PPFIBP2: variants seen among roughly 807,000 people sequenced by gnomAD.
The protein encoded by PPFIBP2 is liprin-beta-2.
In PPFIBP2, 118 loss-of-function variants were observed where a neutral mutation model predicts 118.3. That is an observed-to-expected ratio of 1.00 (90% CI 0.86 to 1.16). PPFIBP2 has a LOEUF of 1.16. Among genes scored for constraint, PPFIBP2 ranks in the 50% most tolerant of loss-of-function variants. The probability of loss-of-function intolerance (pLI) is 0.00; values close to 1 mark genes in which losing one functional copy is unlikely to be tolerated. For synonymous variants in PPFIBP2, 414 were observed against 397.4 expected, an observed-to-expected ratio of 1.04 and a Z score of -0.50; for missense variants, 1,195 against 1,073.1, an observed-to-expected ratio of 1.11 and a Z score of -1.59.
chr11:7,549,405 G>T lies in PPFIBP2; in HGVS notation c.-36-35G>T, dbSNP rs888326404. On this transcript the variant is annotated intron_variant, in intron 1 of 23. Transcript: ENST00000299492. ...TTGTGTGCGTAACATGGAACTCTCT[G>T]TAATTTTTCCTTTGTTCTGTATTTG... 3.1e-5 allele frequency: 47 copies of T among 1,535,116 alleles called. No homozygotes were observed. In the South Asian group the frequency reaches 3.6e-4, roughly 12 times the overall value.
intron 6 of PPFIBP2, among the ~76,000 whole-genome samples, chr11:7,614,543 C>T (rs1848420388): frequency 6.6e-6 from 1 of 152,110 alleles, no homozygotes; most frequent in South Asian, 2.1e-4. Flanking sequence ...TAGGTGGTTT[C>T]CAAGTTTCTG....
rs767613446 is a variant in PPFIBP2 at position 7,631,001 on chromosome 11, G to A, written c.1041G>A (p.Lys347=). Residue 347 remains lysine (K), a synonymous_variant, in exon 11 of 24, where the codon AAG becomes AAA. Coordinates refer to ENST00000299492, the MANE Select transcript of PPFIBP2 (RefSeq NM_003621.5). ...GGFSKWNATN[K]DPEELFKQEM... is the part of the protein sequence containing the mutation. ...TCAGCAAGTGGAACGCTACAAATAA[G>A]GACCCTGAAGAATTATTTAAACAAG... is the stretch of plus-strand genomic sequence containing the variant. The A allele has an allele frequency of 5.0e-6, 8 of 1,613,696 alleles. No homozygotes were observed. In the South Asian group the frequency reaches 7.7e-5, roughly 16 times the overall value.
intron 2 of PPFIBP2, among the ~76,000 whole-genome samples, chr11:7,552,050 G>C (rs1044347174): frequency 6.6e-6 from 1 of 152,182 alleles, no homozygotes; most frequent in Non-Finnish European, 1.5e-5. Context: ...GGGCTCCTGG[G>C]CTTTTCTGTC....
chr11:7,654,459 G>A (rs1008508283), downstream of PPFIBP2, among the ~76,000 whole-genome samples: 6 of 152,232 alleles, frequency 3.9e-5, no homozygotes, highest in Non-Finnish European at 8.8e-5. Flanking sequence ...ACGGCCTGAT[G>A]ACTCCATTCC....
At chr11:7,650,562 C>A (rs1230978292) in intron 21 of PPFIBP2, among the ~76,000 whole-genome samples, 1 of 152,202 alleles carries the variant, frequency 6.6e-6, no homozygotes, top group Non-Finnish European at 1.5e-5. Flanking sequence ...ATAATGTCCT[C>A]ATTTATTTGT....
intron 1 of PPFIBP2, among the ~76,000 whole-genome samples, chr11:7,532,852 G>A (rs932286603): frequency 2.0e-5 from 3 of 152,176 alleles, no homozygotes; most frequent in African/African-American, 7.2e-5. Flanking sequence ...AACAAATGTT[G>A]AAATGAAGGC....
chr11:7,597,382 C>G lies in PPFIBP2; in HGVS notation c.373-178C>G, dbSNP rs1209371672. Reference sequence around the variant, plus strand: ...CGAGACTCCCTGGTAAGGTAAGAATCTAACTGCAGCTGCCTTCGTTCAGGA... The same window carrying G: ...CGAGACTCCCTGGTAAGGTAAGAATGTAACTGCAGCTGCCTTCGTTCAGGA... On this transcript the variant is annotated intron_variant, in intron 4 of 23. Coordinates refer to ENST00000299492, the MANE Select transcript of PPFIBP2 (RefSeq NM_003621.5). The G allele has an allele frequency of 2.6e-6, 4 of 1,536,820 alleles. No homozygotes were observed. The South Asian group carries it at 3.6e-5, about 14-fold the overall frequency.
At chr11:7,649,358 C>A in intron 20 of PPFIBP2, 123 bp downstream of exon 20, 1 of 1,255,728 alleles carries the variant, frequency 8.0e-7, no homozygotes, top group Non-Finnish European at 1.1e-6. Context: ...TATCATTTGT[C>A]ACAAAAGAGG....
At chr11:7,528,999 C>T (rs1224024958) in intron 1 of PPFIBP2, among the ~76,000 whole-genome samples, 1 of 152,170 alleles carries the variant, frequency 6.6e-6, no homozygotes. Flanking sequence ...GTCCTTCAGA[C>T]TTCCTAATGG....
At chr11:7,590,137 A>G (rs956210614) in intron 3 of PPFIBP2, among the ~76,000 whole-genome samples, 1 of 152,228 alleles carries the variant, frequency 6.6e-6, no homozygotes, top group South Asian at 2.1e-4. Context: ...ATTCAGCAAG[A>G]CAATCCTCTT....
intron 2 of PPFIBP2, among the ~76,000 whole-genome samples, chr11:7,563,792 A>T (rs1168040045): frequency 6.6e-6 from 1 of 152,314 alleles, no homozygotes; most frequent in East Asian, 1.9e-4. Flanking sequence ...CTGTTGCCCC[A>T]GTTTTGATTT....
At chr11:7,593,916 T>A (rs936364561) in intron 4 of PPFIBP2, among the ~76,000 whole-genome samples, 1 of 152,218 alleles carries the variant, frequency 6.6e-6, no homozygotes, top group African/African-American at 2.4e-5. Context: ...ATAAATTGAT[T>A]AAGCAAGCAT....
At chr11:7,592,625 C>T (rs1379394202) in intron 3 of PPFIBP2, among the ~76,000 whole-genome samples, 1 of 152,156 alleles carries the variant, frequency 6.6e-6, no homozygotes, top group South Asian at 2.1e-4. Context: ...TTCATGCTCA[C>T]TGTGATGTTC....
intron 6 of PPFIBP2, chr11:7,617,139 C>T: frequency 1.0e-6 from 1 of 985,306 alleles, no homozygotes; most frequent in Non-Finnish European, 1.2e-6. Context: ...CAGTGAGCTG[C>T]AGGAGCAGAT....
At position 7,630,840 on chromosome 11, in the gene PPFIBP2, G is replaced by T. The variant is rs1046816705; in HGVS notation, c.965-85G>T. The T allele has an allele frequency of 1.3e-4, 123 of 970,912 alleles. No homozygotes were observed. In the South Asian group the frequency reaches 1.5e-3, roughly 12 times the overall value. The allele number at this position is 970,912 out of a possible 1,614,324, so 60.1% of individuals were successfully genotyped here. Reference sequence around the variant, plus strand: ...TTTCTTAGTCCTTCTTAATGAAGGAGAAACAATGTTAGAATTTTGTGGTAC... The same window carrying T: ...TTTCTTAGTCCTTCTTAATGAAGGATAAACAATGTTAGAATTTTGTGGTAC... On this transcript the variant is annotated intron_variant, in intron 10 of 23. Transcript: ENST00000299492.
downstream of PPFIBP2, among the ~76,000 whole-genome samples, chr11:7,659,766 C>T (rs1331830067): frequency 1.1e-5 from 1 of 87,570 alleles, no homozygotes; most frequent in African/African-American, 3.8e-5. Flanking sequence ...GATATTGATT[C>T]TTCCTACCCA....
intron 1 of PPFIBP2, among the ~76,000 whole-genome samples, chr11:7,516,461 G>C (rs528048209): frequency 3.9e-5 from 6 of 152,290 alleles, no homozygotes; most frequent in African/African-American, 1.2e-4. Context: ...CTGAGGAATG[G>C]TATGGCCTTT....
intron 1 of PPFIBP2, among the ~76,000 whole-genome samples, chr11:7,531,889 G>A (rs949549748): frequency 3.3e-5 from 5 of 151,680 alleles, no homozygotes; most frequent in Non-Finnish European, 7.4e-5. Flanking sequence ...ATGCTGGAGC[G>A]CAGTGGCACG....
downstream of PPFIBP2, among the ~76,000 whole-genome samples, chr11:7,658,049 T>C (rs906098695): frequency 2.6e-5 from 4 of 152,240 alleles, no homozygotes; most frequent in Non-Finnish European, 1.5e-5. Flanking sequence ...CTAAAGGTGC[T>C]TACAGTGTAG....
Sources: allele counts gnomAD v4.1 joint callset (sites outside exome capture counted in the v4.1 genomes callset), GRCh38; gene constraint gnomAD v4.1.1; transcripts MANE v1.5; gene names NCBI Gene and HGNC (gene_info 2026-07-23, HGNC 2026-07-21).